The following NBN variants were observed in gnomAD, a reference collection of about 807,000 sequenced individuals.
NBN encodes nibrin.
NBN carries 88 observed loss-of-function variants against 90.8 expected under a neutral mutation model. That is an observed-to-expected ratio of 0.97 (90% CI 0.82 to 1.16). The LOEUF (loss-of-function observed/expected upper bound fraction) is 1.16, where lower values mean the gene tolerates loss of function less well. Among genes scored for constraint, NBN ranks in the 50% most tolerant of loss-of-function variants. The pLI is 0.00. For synonymous variants in NBN, 328 were observed against 295.1 expected (o/e 1.11, Z -1.14); for missense variants, 894 against 869.6 (o/e 1.03, Z -0.35).
intron 4 of NBN, among the ~76,000 whole-genome samples, chr8:89,978,564 T>C (rs1811887016): frequency 6.6e-6 from 1 of 152,204 alleles, no homozygotes; most frequent in African/African-American, 2.4e-5. Context: ...TCACCGATTA[T>C]AATACTAATT....
chr8:89,953,810 T>C (rs1810572055), intron 10 of NBN, 119 bp from the exon 11 acceptor site: 3 of 759,416 alleles, frequency 4.0e-6, no homozygotes, highest in South Asian at 1.7e-5. Context: ...CTTGATTTTA[T>C]TAACAATATT....
At chr8:89,950,078 C>A (rs1810376680) in intron 11 of NBN, among the ~76,000 whole-genome samples, 1 of 152,150 alleles carries the variant, frequency 6.6e-6, no homozygotes, top group Non-Finnish European at 1.5e-5. Context: ...TGTGGACAAA[C>A]AATTGTCTCA....
At chr8:89,945,794 C>T (rs1344080341) in intron 13 of NBN, among the ~76,000 whole-genome samples, 2 of 152,062 alleles carry the variant, frequency 1.3e-5, no homozygotes, top group Non-Finnish European at 2.9e-5. Flanking sequence ...TTTTAATCTT[C>T]ATAAAGTCCT....
intron 9 of NBN, 55 bp from the exon 10 acceptor site, chr8:89,955,610 T>C (rs1006524034): frequency 1.9e-6 from 3 of 1,557,816 alleles, no homozygotes; most frequent in Non-Finnish European, 2.6e-6. Context: ...GCAACTTTAA[T>C]AGAGAAACAA....
intron 11 of NBN, among the ~76,000 whole-genome samples, chr8:89,949,196 C>T (rs1046594825): frequency 5.9e-5 from 9 of 152,154 alleles, no homozygotes; most frequent in Non-Finnish European, 1.2e-4. Context: ...GTGTTTAAGT[C>T]CGAGTTGTCA....
At position 89,981,260 on chromosome 8, in the gene NBN, C is replaced by T. The variant is rs1812050128; in HGVS notation, c.320+115G>A. 2.6e-6 allele frequency: 3 copies of T among 1,175,624 alleles called. No individual in the cohort carries two copies. The South Asian group carries it at 3.8e-5, about 15-fold the overall frequency. The allele number at this position is 1,175,624 out of a possible 1,614,324, so 72.8% of individuals were successfully genotyped here. On this transcript the variant is annotated intron_variant, in intron 3 of 15. Transcript: ENST00000265433. ...CCATGGCACAGAGTCCAATACTGTG[C>T]TAAGCAGGAACTAAATTATACTGTT...
intron 9 of NBN, among the ~76,000 whole-genome samples, chr8:89,957,466 GTTAA>G (rs1810777997): frequency 6.6e-6 from 1 of 152,118 alleles, no homozygotes; most frequent in Admixed American, 6.6e-5. Context: ...GTAAGCTAAG[GTTAA>G]TTTATTATTG....
intron 14 of NBN, among the ~76,000 whole-genome samples, chr8:89,939,107 C>A (rs963104081): frequency 2.0e-5 from 3 of 151,856 alleles, no homozygotes; most frequent in South Asian, 2.1e-4. Context: ...TTGATGTACA[C>A]AATGAAAATA....
intron 14 of NBN, among the ~76,000 whole-genome samples, chr8:89,940,970 G>C (rs1365951653): frequency 6.6e-6 from 1 of 152,058 alleles, no homozygotes; most frequent in Non-Finnish European, 1.5e-5. Context: ...TAAGTAATTT[G>C]CCTAAGGTCA....
intron 11 of NBN, 32 bp downstream of exon 11, chr8:89,953,212 G>A: frequency 6.8e-7 from 1 of 1,471,746 alleles, no homozygotes; most frequent in Non-Finnish European, 9.5e-7. Context: ...AAGCTTCTAT[G>A]TACTATACCT....
At chr8:89,984,325 C>T in intron 1 of NBN, 200 bp downstream of exon 1, 1 of 637,446 alleles carries the variant, frequency 1.6e-6, no homozygotes, top group Non-Finnish European at 2.9e-6. Flanking sequence ...ACCCCACCGC[C>T]CGCGCTGAAT....
At chr8:89,953,736 A>C (rs536978866) in intron 10 of NBN, 45 bp from the exon 11 acceptor site, 2 of 1,456,546 alleles carry the variant, frequency 1.4e-6, no homozygotes, top group East Asian at 4.8e-5. Flanking sequence ...GAAAATGAAC[A>C]CAGCTAAGTA....
In NBN at chr8:89,982,747, G is replaced by GT; in HGVS notation, c.145dup (p.Thr49AsnfsTer3). The GT allele has an allele frequency of 6.2e-7, 1 of 1,613,992 alleles. No individual in the cohort carries two copies. The highest frequency in any genetic ancestry group is 8.5e-7 in the Non-Finnish European group (1 of 1,179,946). ...CAGGTTGGTTACAGAAAAGTTAGCA[G>GT]TTAACACAGCATGATTTCGGCTGAT... On this transcript the variant is annotated frameshift_variant, in exon 2 of 16. Coordinates refer to ENST00000265433, the MANE Select transcript of NBN (RefSeq NM_002485.5). LOFTEE classifies it high-confidence loss of function.
chr8:89,942,399 GA>G (rs1159299973), intron 14 of NBN, among the ~76,000 whole-genome samples: 1 of 152,052 alleles, frequency 6.6e-6, no homozygotes, highest in Non-Finnish European at 1.5e-5. Context: ...TTTTCTAGAG[GA>G]AATACATCTG....
intron 13 of NBN, among the ~76,000 whole-genome samples, chr8:89,944,368 A>T (rs900124799): frequency 6.6e-6 from 1 of 152,100 alleles, no homozygotes; most frequent in Non-Finnish European, 1.5e-5. Flanking sequence ...AGTAACTAAA[A>T]TTTTTATACA....
intron 8 of NBN, among the ~76,000 whole-genome samples, chr8:89,963,123 A>C (rs1811075321): frequency 6.6e-6 from 1 of 152,216 alleles, no homozygotes; most frequent in African/African-American, 2.4e-5. Context: ...CAGAGACAGC[A>C]GTTATTATTA....
At position 89,971,333 on chromosome 8, in the gene NBN, G is replaced by A. The variant is rs374846411; in HGVS notation, c.585-43C>T. The A allele has an allele frequency of 1.1e-4, 168 of 1,559,172 alleles. No homozygotes were observed. Among genetic ancestry groups the A allele is most frequent in the Admixed American group, 1.4e-4 (8 of 58,930 alleles). On this transcript the variant is annotated intron_variant, in intron 5 of 15. Coordinates refer to ENST00000265433, the MANE Select transcript of NBN (RefSeq NM_002485.5). ...GTATATTCTAATTATATACTACTAT[G>A]TTTGCTATTAAATTGTAAACGGAGT... is the stretch of plus-strand genomic sequence containing the variant.
intron 2 of NBN, chr8:89,982,313 A>C: frequency 3.7e-6 from 1 of 271,120 alleles, no homozygotes; most frequent in East Asian, 1.0e-4. Flanking sequence ...TTTAAGAGCC[A>C]GAGTCATGAA....
At position 89,933,961 on chromosome 8, in the gene NBN, A is replaced by C. The variant is rs1232942706; in HGVS notation, c.*1621T>G. 1.3e-5 allele frequency: 3 copies of C among 231,504 alleles called. No individual in the cohort carries two copies. The highest frequency in any genetic ancestry group is 2.6e-5 in the Non-Finnish European group (3 of 117,114). The allele number at this position is 231,504 out of a possible 1,614,324, so 14.3% of individuals were successfully genotyped here. A position where few individuals can be genotyped will look rare whatever the true frequency, so the allele number is the denominator to read the frequency against. On this transcript the variant is annotated 3_prime_UTR_variant, in exon 16 of 16. Coordinates refer to ENST00000265433, the MANE Select transcript of NBN (RefSeq NM_002485.5). ...CCGATTGGAATGGTTAAAAAGGAAA[A>C]ATACTGACAACACCAATATTTGTAA...
Sources: gnomAD v4.1 joint callset for allele counts (sites outside exome capture counted in the v4.1 genomes callset) on GRCh38, gnomAD v4.1.1 for gene constraint, MANE v1.5 for transcripts, NCBI Gene and HGNC (gene_info 2026-07-23, HGNC 2026-07-21) for gene names.